Variants in PDSS2 observed in about 807,000 individuals in gnomAD.
PDSS2 encodes all trans-polyprenyl-diphosphate synthase PDSS2.
Under a neutral mutation model 44.5 loss-of-function variants are expected in PDSS2, and 31 were observed. That is an observed-to-expected ratio of 0.70 (90% CI 0.52 to 0.94). The LOEUF is 0.94. Among genes scored for constraint, PDSS2 ranks in the 40% least tolerant of loss-of-function variants. The pLI, the probability that PDSS2 is intolerant of heterozygous loss-of-function variation, is 0.00. For missense variants in PDSS2, 452 were observed against 482.2 expected (o/e 0.94, Z 0.59); for synonymous variants, 157 against 180.3 (o/e 0.87, Z 1.03).
At position 107,214,557 on chromosome 6, in the gene PDSS2, C is replaced by T. The variant is rs148095498; in HGVS notation, c.703-2275G>A. On this transcript the variant is annotated intron_variant, in intron 4 of 7. Coordinates refer to ENST00000369037, the MANE Select transcript of PDSS2 (RefSeq NM_020381.4). ...TTCATTTTATGGCATTTATTTGAAA[C>T]GTCAAACTAACTGGAACCTACCCAG... 5.1e-3 allele frequency among the ~76,000 whole-genome samples: 769 copies of T among 152,174 alleles called. 26 individuals carry two copies. Among genetic ancestry groups the T allele is most frequent in the Admixed American group, 0.038 (581 of 15,276 alleles).
intron 1 of PDSS2, among the ~76,000 whole-genome samples, chr6:107,414,379 C>T (rs1478727285): frequency 6.6e-6 from 1 of 152,196 alleles, no homozygotes; most frequent in Non-Finnish European, 1.5e-5. Flanking sequence ...AAGGAAATAT[C>T]AGAAACCAGA....
chr6:107,452,944 C>T (rs528540525), intron 1 of PDSS2, among the ~76,000 whole-genome samples: 6 of 152,294 alleles, frequency 3.9e-5, no homozygotes, highest in South Asian at 2.1e-4. Flanking sequence ...GGATTACAGG[C>T]GTGAGCCACC....
Position 107,210,440 on chromosome 6 carries a change from T to C in PDSS2, c.1007A>G (p.Glu336Gly), listed in dbSNP as rs1308978291. 6.2e-7 allele frequency: 1 copy of C among 1,605,412 alleles called. No individual in the cohort carries two copies. The highest frequency in any genetic ancestry group is 1.7e-5 in the Admixed American group (1 of 59,984). The change falls in exon 6 of 8, where the codon GAG (glutamate) becomes GGG (glycine). Residue 336 changes from glutamate to glycine, a missense_variant and splice_region_variant. By Grantham distance (98) the Glu-to-Gly change is moderately conservative. Transcript: ENST00000369037. Reference sequence around the variant, plus strand: ...AAAACAGGAGTAATTTCATTTTACCTCTCCGATCTGTTTAATCCACAAATC... The same window carrying C: ...AAAACAGGAGTAATTTCATTTTACCCCTCCGATCTGTTTAATCCACAAATC... Reference protein sequence around the residue: ...GRDLWIKQIGEAQEKGRLDYA... With the variant: ...GRDLWIKQIGGAQEKGRLDYA...
chr6:107,336,869 TGTGTGTG>T (rs1294247269), intron 1 of PDSS2, among the ~76,000 whole-genome samples: 19 of 106,804 alleles, frequency 1.8e-4, no homozygotes, highest in Non-Finnish European at 3.1e-4. Flanking sequence ...TGTGTGTGTG[TGTGTGTG>T]TGTGTTCGGG....
At chr6:107,211,023 A>T (rs1390278412) in intron 5 of PDSS2, among the ~76,000 whole-genome samples, 1 of 151,982 alleles carries the variant, frequency 6.6e-6, no homozygotes, top group Non-Finnish European at 1.5e-5. Context: ...TCAGATGATT[A>T]ACAATAACCT....
At chr6:107,285,907 A>C (rs1226173590) in intron 2 of PDSS2, among the ~76,000 whole-genome samples, 1 of 152,164 alleles carries the variant, frequency 6.6e-6, no homozygotes, top group Non-Finnish European at 1.5e-5. Flanking sequence ...TGGGAGGCCA[A>C]GGCGAGTGGA....
rs869061691 is a variant in PDSS2 at position 107,429,901 on chromosome 6, AATATATATAT to A, written c.296+29079_296+29088del. The stretch of plus-strand genomic sequence containing the variant: ...CTTAGTCTCAAAAAAAAAAAAAAAA[AATATATATAT>A]ATATATATATATATATATATATATA... On this transcript the variant is annotated intron_variant, in intron 1 of 7. Coordinates refer to ENST00000369037, the MANE Select transcript of PDSS2 (RefSeq NM_020381.4). Among the ~76,000 whole-genome samples the A allele has an allele frequency of 3.1e-4, 10 of 31,856 alleles. 1 individual carries two copies. The highest frequency in any genetic ancestry group is 6.3e-4 in the African/African-American group (5 of 7,986). The allele number at this position is 31,856 out of a possible 152,430, so 20.9% of individuals were successfully genotyped here.
At chr6:107,261,428 T>C (rs1007352526) in intron 3 of PDSS2, among the ~76,000 whole-genome samples, 5 of 152,194 alleles carry the variant, frequency 3.3e-5, no homozygotes, top group African/African-American at 1.2e-4. Context: ...GCTCCCACTT[T>C]GCCTTCTGCC....
intron 4 of PDSS2, among the ~76,000 whole-genome samples, chr6:107,240,638 T>A (rs1213258057): frequency 6.6e-6 from 1 of 151,678 alleles, no homozygotes; most frequent in Non-Finnish European, 1.5e-5. Flanking sequence ...CCTCAGGTGA[T>A]CAGCCTGCCT....
intron 6 of PDSS2, among the ~76,000 whole-genome samples, chr6:107,196,334 G>C (rs948667916): frequency 2.0e-5 from 3 of 152,202 alleles, no homozygotes; most frequent in African/African-American, 7.2e-5. Context: ...TCCAAATATG[G>C]ACTGGCCTTG....
intron 7 of PDSS2, among the ~76,000 whole-genome samples, chr6:107,181,469 G>T (rs1375940611): frequency 6.8e-6 from 1 of 147,240 alleles, no homozygotes; most frequent in African/African-American, 2.5e-5. Flanking sequence ...GGAGGTGGAG[G>T]TTGCAGTAAT....
At chr6:107,403,483 T>C (rs1780212000) in intron 1 of PDSS2, among the ~76,000 whole-genome samples, 1 of 152,200 alleles carries the variant, frequency 6.6e-6, no homozygotes, top group African/African-American at 2.4e-5. Flanking sequence ...CACAGCTCCA[T>C]TAGGCAGTGC....
intron 2 of PDSS2, among the ~76,000 whole-genome samples, chr6:107,294,268 G>A (rs1282104265): frequency 6.6e-6 from 1 of 152,110 alleles, no homozygotes; most frequent in Non-Finnish European, 1.5e-5. Context: ...ACAGTGAGAA[G>A]CTTAAAATTA....
intron 1 of PDSS2, among the ~76,000 whole-genome samples, chr6:107,334,939 C>T (rs1192205414): frequency 2.0e-5 from 3 of 151,862 alleles, no homozygotes; most frequent in African/African-American, 7.3e-5. Flanking sequence ...GTCAGATGAG[C>T]CTAGGAGCTT....
At chr6:107,168,188 G>T (rs1255965395) in intron 7 of PDSS2, among the ~76,000 whole-genome samples, 13 of 152,232 alleles carry the variant, frequency 8.5e-5, no homozygotes, top group Admixed American at 4.6e-4. Context: ...ATATTTAGGA[G>T]AGTTAGCTCT....
At chr6:107,297,867 AC>A (rs1776563461) in intron 2 of PDSS2, among the ~76,000 whole-genome samples, 1 of 151,472 alleles carries the variant, frequency 6.6e-6, no homozygotes, top group South Asian at 2.1e-4. Context: ...TACCTCGGAC[AC>A]CCGAGTAGCT....
At chr6:107,361,915 A>G (rs759265237) in intron 1 of PDSS2, among the ~76,000 whole-genome samples, 7 of 152,178 alleles carry the variant, frequency 4.6e-5, no homozygotes, top group Non-Finnish European at 8.8e-5. Flanking sequence ...CAGTAGCTGA[A>G]TCAGTGCAGG....
Position 107,210,422 on chromosome 6 carries a change from G to T in PDSS2, c.1008+17C>A. The T allele has an allele frequency of 6.3e-7, 1 of 1,582,628 alleles. No homozygotes were observed. Among genetic ancestry groups the T allele is most frequent in the South Asian group, 1.1e-5 (1 of 90,394 alleles). ...TAATTACTACTGGTACCTAAAACAG[G>T]AGTAATTTCATTTTACCTCTCCGAT... On this transcript the variant is annotated intron_variant, in intron 6 of 7. Coordinates refer to ENST00000369037, the MANE Select transcript of PDSS2 (RefSeq NM_020381.4).
At chr6:107,452,443 G>T (rs1477437540) in intron 1 of PDSS2, among the ~76,000 whole-genome samples, 1 of 151,828 alleles carries the variant, frequency 6.6e-6, no homozygotes, top group African/African-American at 2.4e-5. Flanking sequence ...TGTTAGCCAG[G>T]CTGGCCTCAA....
Sources: allele counts gnomAD v4.1 joint callset (sites outside exome capture counted in the v4.1 genomes callset), GRCh38; gene constraint gnomAD v4.1.1; transcripts MANE v1.5; gene names NCBI Gene and HGNC (gene_info 2026-07-23, HGNC 2026-07-21).